TMTC1: variants seen among roughly 807,000 people sequenced by gnomAD.
TMTC1 encodes transmembrane O-mannosyltransferase targeting cadherins 1, also known as protein O-mannosyl-transferase TMTC1.
A neutral mutation model predicts 104.8 loss-of-function variants in TMTC1; 73 were observed. The observed-to-expected ratio is 0.70, with a 90% CI of 0.58 to 0.85. The LOEUF is 0.85. Among genes scored for constraint, TMTC1 ranks in the 40% least tolerant of loss-of-function variants. TMTC1 has a pLI of 0.00. For synonymous variants in TMTC1, 434 were observed against 428.7 expected, an observed-to-expected ratio of 1.01 and a Z score of -0.15; for missense variants, 1,035 against 1,096.1, an observed-to-expected ratio of 0.94 and a Z score of 0.79.
At chr12:29,680,800 G>A (rs1940888735) in intron 5 of TMTC1, among the ~76,000 whole-genome samples, 1 of 152,130 alleles carries the variant, frequency 6.6e-6, no homozygotes, top group African/African-American at 2.4e-5. Context: ...CCCTGAAACT[G>A]CCAGATGAGA....
At chr12:29,631,406 G>T (rs1450159806) in intron 6 of TMTC1, among the ~76,000 whole-genome samples, 2 of 152,036 alleles carry the variant, frequency 1.3e-5, no homozygotes, top group Admixed American at 6.5e-5. Flanking sequence ...GATCCACTTG[G>T]AATTAATTTC....
At chr12:29,625,894 T>TTACAATAGAG (rs984247427) in intron 6 of TMTC1, among the ~76,000 whole-genome samples, 8 of 152,186 alleles carry the variant, frequency 5.3e-5, no homozygotes, top group African/African-American at 1.9e-4. Context: ...TGCAGATCAG[T>TTACAATAGAG]TACAATAGAG....
At chr12:29,565,508 C>T (rs1383525967) in intron 9 of TMTC1, among the ~76,000 whole-genome samples, 1 of 152,106 alleles carries the variant, frequency 6.6e-6, no homozygotes. Flanking sequence ...TACATTATAC[C>T]TCAGTTACCT....
intron 10 of TMTC1, among the ~76,000 whole-genome samples, chr12:29,540,616 CT>C (rs143611012): frequency 2.6e-5 from 4 of 151,810 alleles, no homozygotes; most frequent in Admixed American, 2.6e-4. Flanking sequence ...ACTAATGTTA[CT>C]TTTTTTTCCC....
chr12:29,633,107 T>G (rs751899238), intron 6 of TMTC1, 40 bp downstream of exon 6: 75 of 1,564,032 alleles, frequency 4.8e-5, no homozygotes, highest in Non-Finnish European at 6.5e-5. Flanking sequence ...AGAATATCTG[T>G]CTTCAAATGC....
chr12:29,698,246 T>C (rs1420982599), intron 5 of TMTC1, among the ~76,000 whole-genome samples: 2 of 152,222 alleles, frequency 1.3e-5, no homozygotes, highest in African/African-American at 2.4e-5. Context: ...ATTTATTCCC[T>C]TTAAAAATCA....
intron 9 of TMTC1, among the ~76,000 whole-genome samples, chr12:29,568,384 T>A (rs1482601502): frequency 6.6e-6 from 1 of 152,188 alleles, no homozygotes; most frequent in Admixed American, 6.5e-5. Context: ...TTGAATTAGA[T>A]GTGAGTGAAA....
chr12:29,562,394 TAAAG>T (rs1227944918), intron 9 of TMTC1, among the ~76,000 whole-genome samples: 1 of 152,186 alleles, frequency 6.6e-6, no homozygotes, highest in Non-Finnish European at 1.5e-5. Flanking sequence ...CTATGCAGAG[TAAAG>T]CCATGGCTCT....
chr12:29,707,303 C>T (rs185603232), intron 5 of TMTC1, among the ~76,000 whole-genome samples: 3 of 152,242 alleles, frequency 2.0e-5, no homozygotes, highest in Admixed American at 2.0e-4. Flanking sequence ...ATATTTTCGG[C>T]ATTTCCTTCC....
intron 17 of TMTC1, among the ~76,000 whole-genome samples, chr12:29,508,570 T>C (rs1313768438): frequency 6.6e-6 from 1 of 152,138 alleles, no homozygotes; most frequent in Non-Finnish European, 1.5e-5. Flanking sequence ...CAAATTGCCC[T>C]TTTCTTCACT....
chr12:29,529,661 C>A (rs917151119), intron 11 of TMTC1, among the ~76,000 whole-genome samples: 8 of 152,194 alleles, frequency 5.3e-5, no homozygotes, highest in African/African-American at 1.9e-4. Context: ...CCTGTTTTCT[C>A]ACCCTCTTCT....
At chr12:29,666,539 T>C (rs1300429648) in intron 5 of TMTC1, among the ~76,000 whole-genome samples, 1 of 152,072 alleles carries the variant, frequency 6.6e-6, no homozygotes, top group East Asian at 1.9e-4. Context: ...GGCCTACCCC[T>C]TTTCTTTTTC....
At chr12:29,524,813 A>G (rs1944289251) in intron 11 of TMTC1, among the ~76,000 whole-genome samples, 1 of 152,214 alleles carries the variant, frequency 6.6e-6, no homozygotes, top group African/African-American at 2.4e-5. Context: ...AAGACTGTCA[A>G]TGTATAATGC....
chr12:29,588,610 T>G (rs1186631532), intron 7 of TMTC1, among the ~76,000 whole-genome samples: 1 of 152,204 alleles, frequency 6.6e-6, no homozygotes, highest in Non-Finnish European at 1.5e-5. Flanking sequence ...CCTTGTGGAA[T>G]TCACATGGGT....
intron 5 of TMTC1, among the ~76,000 whole-genome samples, chr12:29,670,025 A>T (rs1227827176): frequency 6.6e-6 from 1 of 152,206 alleles, no homozygotes; most frequent in African/African-American, 2.4e-5. Flanking sequence ...GTTTTCCGTT[A>T]TTTCCATCCA....
chr12:29,638,032 C>G (rs1011817355), intron 5 of TMTC1, among the ~76,000 whole-genome samples: 2 of 152,178 alleles, frequency 1.3e-5, no homozygotes, highest in Non-Finnish European at 2.9e-5. Flanking sequence ...GGCCCAGACT[C>G]TACTGATACC....
At chr12:29,736,660 C>A (rs927740177) in intron 5 of TMTC1, among the ~76,000 whole-genome samples, 1 of 152,118 alleles carries the variant, frequency 6.6e-6, no homozygotes, top group Non-Finnish European at 1.5e-5. Context: ...CCTTGTGATC[C>A]GCCCACCTCG....
At chr12:29,536,990 A>G (rs1944664057) in intron 10 of TMTC1, among the ~76,000 whole-genome samples, 1 of 152,168 alleles carries the variant, frequency 6.6e-6, no homozygotes, top group Admixed American at 6.5e-5. Flanking sequence ...CAAGGCCCAA[A>G]AGTCATTACC....
chr12:29,565,324 G>T (rs1945480696), intron 9 of TMTC1, among the ~76,000 whole-genome samples: 1 of 152,078 alleles, frequency 6.6e-6, no homozygotes, highest in African/African-American at 2.4e-5. Flanking sequence ...CATCCAAGAG[G>T]CACCTTTGTA....
Sources: gnomAD v4.1 joint callset for allele counts (sites outside exome capture counted in the v4.1 genomes callset) on GRCh38, gnomAD v4.1.1 for gene constraint, MANE v1.5 for transcripts, NCBI Gene and HGNC (gene_info 2026-07-23, HGNC 2026-07-21) for gene names.